Variants in CEP170 observed in about 807,000 individuals in gnomAD.
CEP170 encodes centrosomal protein of 170 kDa.
In CEP170, 21 loss-of-function variants were observed where a neutral mutation model predicts 151.9. The observed-to-expected ratio is 0.14, with a 90% CI of 0.10 to 0.20. CEP170 has a LOEUF of 0.20. CEP170 is among the 10% of genes least tolerant of loss of function. The pLI is 1.00. For missense variants in CEP170, 964 were observed against 1,892.9 expected, an observed-to-expected ratio of 0.51 and a Z score of 9.11; for synonymous variants, 356 against 648.8, an observed-to-expected ratio of 0.55 and a Z score of 6.86.
intron 1 of CEP170, among the ~76,000 whole-genome samples, chr1:243,227,557 A>G (rs1558650400): frequency 2.6e-5 from 4 of 152,350 alleles, no homozygotes; most frequent in South Asian, 4.1e-4. Context: ...AATACAATTA[A>G]TAACTTTTAC....
chr1:243,174,571 GTCT>G (rs2148637647), intron 10 of CEP170, among the ~76,000 whole-genome samples: 1 of 152,154 alleles, frequency 6.6e-6, no homozygotes, highest in East Asian at 1.9e-4. Flanking sequence ...CCACTAGATG[GTCT>G]TATTACTTAA....
Position 243,221,828 on chromosome 1 carries a change from GTC to G in CEP170, c.106-17_106-16del. 1 of 1,596,512 alleles carries G rather than the reference GTC, an allele frequency of 6.3e-7. No individual in the cohort carries two copies. Among genetic ancestry groups the G allele is most frequent in the South Asian group, 1.1e-5 (1 of 87,426 alleles). ...ACACTACGAGACTGAAAGGAATGTT[GTC>G]AGTTAATAAATATAAGAAAATACTA... is the stretch of plus-strand genomic sequence containing the variant. On this transcript the variant is annotated splice_polypyrimidine_tract_variant and intron_variant, in intron 2 of 19. Coordinates refer to ENST00000366542, the MANE Select transcript of CEP170 (RefSeq NM_014812.3).
Position 243,221,598 on chromosome 1 carries a change from T to G in CEP170, c.195+126A>C, listed in dbSNP as rs530506502. On this transcript the variant is annotated intron_variant, in intron 3 of 19. Transcript: ENST00000366542. ...GGTCCCCAAAGTGCTATGTACCTGATAAGCATTTGAAAATAACATACAAAG... is the reference window on the plus strand; with the variant it reads ...GGTCCCCAAAGTGCTATGTACCTGAGAAGCATTTGAAAATAACATACAAAG... 70 of 931,440 alleles carry G rather than the reference T, an allele frequency of 7.5e-5. No individual in the cohort carries two copies. The African/African-American group carries it at 1.1e-3, about 15-fold the overall frequency. 57.7% of individuals were successfully genotyped at this position (931,440 alleles called of 1,614,324 possible).
intron 7 of CEP170, among the ~76,000 whole-genome samples, chr1:243,197,604 T>C (rs1015042897): frequency 5.9e-5 from 9 of 152,006 alleles, no homozygotes; most frequent in Admixed American, 3.9e-4. Context: ...AAGTAGCATG[T>C]ACCCCTTCCT....
At chr1:243,246,061 A>G (rs2065362072) in intron 1 of CEP170, among the ~76,000 whole-genome samples, 1 of 152,190 alleles carries the variant, frequency 6.6e-6, no homozygotes. Flanking sequence ...ATAAACTGAT[A>G]TAAACTGGAG....
intron 1 of CEP170, among the ~76,000 whole-genome samples, chr1:243,229,030 T>C (rs1349535401): frequency 6.6e-6 from 1 of 152,250 alleles, no homozygotes; most frequent in Non-Finnish European, 1.5e-5. Context: ...TCTGTTTTTA[T>C]ATGAGACTTT....
intron 8 of CEP170, among the ~76,000 whole-genome samples, chr1:243,189,463 G>A (rs1200085767): frequency 6.6e-6 from 1 of 151,460 alleles, no homozygotes; most frequent in Non-Finnish European, 1.5e-5. Flanking sequence ...GGCTGAGGCA[G>A]GAGAATCGCG....
intron 17 of CEP170, among the ~76,000 whole-genome samples, chr1:243,133,401 G>A (rs1183307484): frequency 3.3e-5 from 5 of 152,212 alleles, no homozygotes; most frequent in African/African-American, 4.8e-5. Flanking sequence ...CTTAACCAAT[G>A]TTTATTTCAT....
intron 7 of CEP170, among the ~76,000 whole-genome samples, chr1:243,198,202 G>A (rs1161912681): frequency 6.6e-6 from 1 of 151,994 alleles, no homozygotes; most frequent in Non-Finnish European, 1.5e-5. Context: ...TCAAAAACTG[G>A]CTGCTCCATC....
At chr1:243,177,069 G>A (rs1196740048) in intron 10 of CEP170, among the ~76,000 whole-genome samples, 2 of 152,180 alleles carry the variant, frequency 1.3e-5, no homozygotes, top group Admixed American at 6.5e-5. Context: ...TCAGAATGGT[G>A]AGGATGGGGG....
At chr1:243,176,703 C>G (rs1354068243) in intron 10 of CEP170, 2 of 255,760 alleles carry the variant, frequency 7.8e-6, no homozygotes, top group Non-Finnish European at 8.2e-6. Context: ...GGCACTTACT[C>G]TCCACAGGCT....
At chr1:243,214,600 A>C (rs1333514215) in intron 3 of CEP170, among the ~76,000 whole-genome samples, 3 of 129,986 alleles carry the variant, frequency 2.3e-5, no homozygotes, top group Non-Finnish European at 5.5e-5. Flanking sequence ...TTTTTAAAAC[A>C]CTGTGTTTTG....
At position 243,221,955 on chromosome 1, in the gene CEP170, G is replaced by A. The variant is rs148073679; in HGVS notation, c.106-142C>T. The A allele has an allele frequency of 4.8e-4, 303 of 637,816 alleles. 1 individual carries two copies. The African/African-American group carries it at 5.3e-3, about 11-fold the overall frequency. The allele number at this position is 637,816 out of a possible 1,614,324, so 39.5% of individuals were successfully genotyped here. A position where few individuals can be genotyped will look rare whatever the true frequency, so the allele number is the denominator to read the frequency against. On this transcript the variant is annotated intron_variant, in intron 2 of 19. Transcript: ENST00000366542. ...AGTGTGGATTAAATGAGATTAAAAC[G>A]GTGCCACTATACAACAAAATCTTTT...
At chr1:243,171,971 C>G (rs1253441176) in intron 11 of CEP170, among the ~76,000 whole-genome samples, 1 of 152,150 alleles carries the variant, frequency 6.6e-6, no homozygotes, top group Admixed American at 6.5e-5. Flanking sequence ...CTAATTATAT[C>G]CCGGGCTGTA....
At chr1:243,140,160 C>T (rs2055659221) in intron 15 of CEP170, 53 bp from the exon 16 acceptor site, 2 of 1,570,544 alleles carry the variant, frequency 1.3e-6, no homozygotes, top group South Asian at 2.3e-5. Context: ...GAAAAAGTAC[C>T]AATATTGGCA....
intron 14 of CEP170, among the ~76,000 whole-genome samples, chr1:243,149,879 T>C (rs1221196754): frequency 2.6e-5 from 4 of 152,090 alleles, no homozygotes; most frequent in African/African-American, 9.7e-5. Context: ...CTTTTAATAA[T>C]GTAGTAAAAT....
Position 243,166,091 on chromosome 1 carries a change from C to T in CEP170, c.1869G>A (p.Met623Ile). The T allele has an allele frequency of 6.2e-7, 1 of 1,612,954 alleles. No homozygotes were observed. Among genetic ancestry groups the T allele is most frequent in the Non-Finnish European group, 8.5e-7 (1 of 1,179,378 alleles). ...TTGCAGAGCCAGTACTTCTCACTGT[C>T]ATGCCAGACTCACTGATCTCTGTCT... ...ENETEISESG[M>I]TVRSTGSATS... Residue 623 changes from methionine to isoleucine, a missense_variant, in exon 13 of 20, where the codon ATG becomes ATA. By Grantham distance (10) the Met-to-Ile change is conservative (BLOSUM62 1). Transcript: ENST00000366542.
intron 1 of CEP170, among the ~76,000 whole-genome samples, chr1:243,249,342 C>A (rs1214601069): frequency 6.6e-6 from 1 of 151,936 alleles, no homozygotes; most frequent in East Asian, 1.9e-4. Context: ...TGCTTAAGCC[C>A]AGCGGGTCAA....
chr1:243,186,151 T>C, intron 9 of CEP170, 79 bp from the exon 10 acceptor site: 1 of 1,613,176 alleles, frequency 6.2e-7, no homozygotes, highest in Non-Finnish European at 8.5e-7. Flanking sequence ...GTGTTGAATA[T>C]GTAGTTTCCT....
Sources: allele counts gnomAD v4.1 joint callset (sites outside exome capture counted in the v4.1 genomes callset), GRCh38; gene constraint gnomAD v4.1.1; transcripts MANE v1.5; gene names NCBI Gene and HGNC (gene_info 2026-07-23, HGNC 2026-07-21).